Variants in MGLL observed in about 807,000 individuals in gnomAD.
The protein encoded by MGLL is lysophospholipase homolog.
MGLL carries 7 observed loss-of-function variants against 29.1 expected under a neutral mutation model. The observed-to-expected ratio is 0.24, with a 90% CI of 0.14 to 0.45. The LOEUF (loss-of-function observed/expected upper bound fraction) is 0.45, where lower values mean the gene tolerates loss of function less well. MGLL is among the 20% of genes least tolerant of loss of function. The pLI is 0.99. For synonymous variants in MGLL, 148 were observed against 168.3 expected, an observed-to-expected ratio of 0.88 and a Z score of 0.93; for missense variants, 356 against 413.6, an observed-to-expected ratio of 0.86 and a Z score of 1.21.
intron 3 of MGLL, among the ~76,000 whole-genome samples, chr3:127,730,814 G>C (rs200169403): frequency 6.6e-6 from 1 of 152,198 alleles, no homozygotes; most frequent in Non-Finnish European, 1.5e-5. Context: ...TCTAAGGTGA[G>C]TGTGGCTGGA....
chr3:127,752,200 A>T (rs1449848923), intron 3 of MGLL, among the ~76,000 whole-genome samples: 2 of 151,928 alleles, frequency 1.3e-5, no homozygotes, highest in Non-Finnish European at 2.9e-5. Context: ...GGGTTCAAGA[A>T]ATTCTCCTGC....
At chr3:127,785,298 C>T (rs151128506) in intron 2 of MGLL, among the ~76,000 whole-genome samples, 1 of 152,330 alleles carries the variant, frequency 6.6e-6, no homozygotes, top group African/African-American at 2.4e-5. Context: ...AGCTTCCTGC[C>T]CTGTTGCCAC....
intron 2 of MGLL, among the ~76,000 whole-genome samples, chr3:127,809,272 T>C (rs1264708923): frequency 6.6e-6 from 1 of 152,078 alleles, no homozygotes; most frequent in African/African-American, 2.4e-5. Flanking sequence ...CCAAGTCCTA[T>C]AGCCAGCTCT....
intron 3 of MGLL, 86 bp from the exon 4 acceptor site, chr3:127,722,652 C>T (rs2075952554): frequency 6.3e-7 from 1 of 1,576,822 alleles, no homozygotes; most frequent in Non-Finnish European, 8.7e-7. Flanking sequence ...TGCAATCGCT[C>T]TCTCTCCTGA....
intron 2 of MGLL, among the ~76,000 whole-genome samples, chr3:127,817,964 C>G (rs530031742): frequency 9.9e-5 from 15 of 151,858 alleles, no homozygotes; most frequent in African/African-American, 2.9e-4. Flanking sequence ...AGTATCCCCC[C>G]CTTTTTCTTT....
At chr3:127,718,730 G>A (rs867268427) in intron 5 of MGLL, among the ~76,000 whole-genome samples, 2 of 152,168 alleles carry the variant, frequency 1.3e-5, no homozygotes, top group African/African-American at 2.4e-5. Context: ...AGAGACTCTC[G>A]CTGGTACCAT....
intron 3 of MGLL, among the ~76,000 whole-genome samples, chr3:127,780,454 C>T (rs2077103673): frequency 6.6e-6 from 1 of 152,236 alleles, no homozygotes; most frequent in Non-Finnish European, 1.5e-5. Flanking sequence ...ATGACACAGT[C>T]CCCATACTAA....
chr3:127,822,757 G>A (rs2077886561), upstream of MGLL: 1 of 186,864 alleles, frequency 5.4e-6, no homozygotes, highest in Admixed American at 6.2e-5. Flanking sequence ...CGACAGCACA[G>A]GACACGTAGC....
intron 3 of MGLL, among the ~76,000 whole-genome samples, chr3:127,723,535 C>A (rs867024432): frequency 1.3e-5 from 2 of 152,266 alleles, no homozygotes; most frequent in Non-Finnish European, 2.9e-5. Context: ...GCCCTTCCCC[C>A]ACACCCACCT....
At chr3:127,799,444 C>T (rs919290742) in intron 2 of MGLL, 2 of 152,200 alleles carry the variant, frequency 1.3e-5, no homozygotes, top group Non-Finnish European at 2.9e-5. Flanking sequence ...CTGATGCTTC[C>T]AGAACTCCTC....
At chr3:127,692,427 C>G (rs1383019959) in intron 7 of MGLL, 104 bp from the exon 8 acceptor site, 1 of 1,461,138 alleles carries the variant, frequency 6.8e-7, no homozygotes, top group Non-Finnish European at 9.5e-7. Context: ...TCTCCGGACC[C>G]TCTCCCTATG....
At chr3:127,783,766 G>A (rs56394000) in intron 2 of MGLL, 1 of 152,136 alleles carries the variant, frequency 6.6e-6, no homozygotes, top group Admixed American at 6.5e-5. Flanking sequence ...GTGTACTTGT[G>A]TAAATGACAC....
intron 7 of MGLL, 57 bp downstream of exon 7, chr3:127,694,918 C>T: frequency 6.4e-7 from 1 of 1,563,000 alleles, no homozygotes; most frequent in Non-Finnish European, 8.8e-7. Context: ...CCAAGGGGTG[C>T]TGCCTTCCTG....
intron 3 of MGLL, among the ~76,000 whole-genome samples, chr3:127,775,975 G>A (rs1170134049): frequency 1.3e-5 from 2 of 152,242 alleles, no homozygotes; most frequent in South Asian, 2.1e-4. Context: ...CACTGCAGCA[G>A]CTGGCAGACC....
intron 2 of MGLL, among the ~76,000 whole-genome samples, chr3:127,808,996 A>G (rs1200724629): frequency 6.6e-6 from 1 of 152,200 alleles, no homozygotes; most frequent in Non-Finnish European, 1.5e-5. Flanking sequence ...ATTTATAGGC[A>G]GATCCAAGGT....
chr3:127,772,974 G>C (rs991171782), intron 3 of MGLL, among the ~76,000 whole-genome samples: 16 of 152,204 alleles, frequency 1.1e-4, no homozygotes, highest in African/African-American at 2.9e-4. Context: ...CTCCAGAACT[G>C]TGAGGAATAG....
chr3:127,763,888 C>T (rs1397600834), intron 3 of MGLL, among the ~76,000 whole-genome samples: 1 of 152,322 alleles, frequency 6.6e-6, no homozygotes, highest in Non-Finnish European at 1.5e-5. Context: ...ATTACACCCA[C>T]CTCAGTGTGC....
chr3:127,754,458 A>G (rs553661850), intron 3 of MGLL, among the ~76,000 whole-genome samples: 11 of 151,268 alleles, frequency 7.3e-5, no homozygotes, highest in Non-Finnish European at 1.6e-4. Flanking sequence ...ACGCACCTCA[A>G]CTCTACACAG....
intron 3 of MGLL, among the ~76,000 whole-genome samples, chr3:127,780,994 C>A (rs1484603000): frequency 6.6e-6 from 1 of 152,144 alleles, no homozygotes; most frequent in Non-Finnish European, 1.5e-5. Context: ...AACTACATAC[C>A]GACTCAGACA....
Sources: allele counts gnomAD v4.1 joint callset (sites outside exome capture counted in the v4.1 genomes callset), GRCh38; gene constraint gnomAD v4.1.1; transcripts MANE v1.5; gene names NCBI Gene and HGNC (gene_info 2026-07-23, HGNC 2026-07-21).